Variants in PNKD observed in about 807,000 individuals in gnomAD.
PNKD encodes PNKD metallo-beta-lactamase domain containing.
A neutral mutation model predicts 45.3 loss-of-function variants in PNKD; 36 were observed. The ratio of observed to expected loss-of-function variants is 0.80; its 90% CI spans 0.61 to 1.05. The LOEUF is 1.05. Ranked by LOEUF, PNKD falls within the 50% of genes least tolerant of loss-of-function variation. The pLI is 0.00. For missense variants in PNKD, 511 were observed against 506.6 expected (o/e 1.01, Z -0.08); for synonymous variants, 197 against 210.1 (o/e 0.94, Z 0.54).
Position 218,335,272 on chromosome 2 carries a change from G to A in PNKD, c.237-4511G>A, listed in dbSNP as rs982004038. On this transcript the variant is annotated intron_variant, in intron 2 of 9. Coordinates refer to ENST00000273077, the MANE Select transcript of PNKD (RefSeq NM_015488.5). ...TGAGGCAGGCAGATCACCTGAGGTCGGGAGCTCTAGACCAGCCTGATCAAC... is the reference window on the plus strand; with the variant it reads ...TGAGGCAGGCAGATCACCTGAGGTCAGGAGCTCTAGACCAGCCTGATCAAC... Among the ~76,000 whole-genome samples the A allele has an allele frequency of 3.4e-4, 51 of 152,042 alleles. 1 individual carries two copies. Among genetic ancestry groups the A allele is most frequent in the Non-Finnish European group, 1.0e-4 (7 of 67,982 alleles).
chr2:218,345,051 C>T lies in PNKD; in HGVS notation c.*70C>T. On this transcript the variant is annotated 3_prime_UTR_variant, in exon 10 of 10. Coordinates refer to ENST00000273077, the MANE Select transcript of PNKD (RefSeq NM_015488.5). ...CCGCCACCACCAACACCTCATCATCCTTCTCATCGCTAACACCACCACCTC... is the reference window on the plus strand; with the variant it reads ...CCGCCACCACCAACACCTCATCATCTTTCTCATCGCTAACACCACCACCTC... The T allele has an allele frequency of 1.7e-6, 2 of 1,201,936 alleles. No individual in the cohort carries two copies. The highest frequency in any genetic ancestry group is 1.5e-5 in the African/African-American group (1 of 65,996). The allele number at this position is 1,201,936 out of a possible 1,614,324, so 74.5% of individuals were successfully genotyped here.
At chr2:218,339,560 G>A (rs1694605937) in intron 2 of PNKD, among the ~76,000 whole-genome samples, 1 of 152,096 alleles carries the variant, frequency 6.6e-6, no homozygotes, top group Non-Finnish European at 1.5e-5. Context: ...CTCAGTTCAT[G>A]TCTCCCTGAT....
chr2:218,305,143 G>A (rs1357341000), intron 2 of PNKD, among the ~76,000 whole-genome samples: 2 of 152,118 alleles, frequency 1.3e-5, no homozygotes, highest in Non-Finnish European at 2.9e-5. Context: ...GAAATCCCAC[G>A]TGCAAGGGCT....
intron 2 of PNKD, chr2:218,274,657 T>G (rs1385618018): frequency 6.4e-6 from 1 of 155,534 alleles, no homozygotes; most frequent in Non-Finnish European, 1.5e-5. Context: ...TGCTCTGAGC[T>G]GCCTGAATAC....
intron 2 of PNKD, among the ~76,000 whole-genome samples, chr2:218,284,435 A>G (rs1390476953): frequency 6.6e-6 from 1 of 152,200 alleles, no homozygotes; most frequent in Non-Finnish European, 1.5e-5. Flanking sequence ...TTTCCAGACC[A>G]AGGGACTGTG....
rs1184165832 is a variant in PNKD, at chr2:218,345,956, C to T, written c.*975C>T. 6.6e-6 allele frequency: 1 copy of T among 152,402 alleles called. No homozygotes were observed. The highest frequency in any genetic ancestry group is 1.5e-5 in the Non-Finnish European group (1 of 68,068). The allele number at this position is 152,402 out of a possible 1,614,324, so 9.4% of individuals were successfully genotyped here. On this transcript the variant is annotated 3_prime_UTR_variant, in exon 10 of 10. Transcript: ENST00000273077. Reference sequence around the variant, plus strand: ...GAGTTAGTAAAGATTTATTCTGTAACCTGACACTCATCTGGCCCTTTGCAG... The same window carrying T: ...GAGTTAGTAAAGATTTATTCTGTAATCTGACACTCATCTGGCCCTTTGCAG...
Position 218,341,569 on chromosome 2 carries a change from G to T in PNKD, c.560G>T (p.Arg187Leu), listed in dbSNP as rs141506076. 3.1e-6 allele frequency: 5 copies of T among 1,602,726 alleles called. No homozygotes were observed. The Admixed American group carries it at 5.1e-5, about 16-fold the overall frequency. The part of the protein sequence containing the change: ...HSGGNRDLSR[R>L]HRDCRVYGSP... Reference sequence around the variant, plus strand: ...GGAGGGAACCGTGACCTCAGCCGGCGGCACCGGGACTGTCGGGTGTACGGG... The same window carrying T: ...GGAGGGAACCGTGACCTCAGCCGGCTGCACCGGGACTGTCGGGTGTACGGG... The change falls in exon 6 of 10, where the codon CGG (arginine) becomes CTG (leucine). Residue 187 changes from arginine (R) to leucine (L), a missense_variant. Arg to Leu is a moderately radical substitution (Grantham distance 102). Transcript: ENST00000273077.
intron 9 of PNKD, 118 bp from the exon 10 acceptor site, chr2:218,344,690 T>C (rs1307449420): frequency 2.2e-6 from 3 of 1,392,632 alleles, no homozygotes; most frequent in Non-Finnish European, 2.0e-6. Context: ...CTTTGGCCCA[T>C]GGGCCCTCAA....
intron 2 of PNKD, among the ~76,000 whole-genome samples, chr2:218,308,853 G>A (rs1693500866): frequency 6.6e-6 from 1 of 151,868 alleles, no homozygotes; most frequent in Admixed American, 6.6e-5. Context: ...CCAAAGTGCT[G>A]GGATTACAGG....
intron 2 of PNKD, chr2:218,274,801 G>A (rs964534483): frequency 1.9e-5 from 3 of 154,350 alleles, no homozygotes; most frequent in Non-Finnish European, 4.4e-5. Flanking sequence ...AGCAAGCCCA[G>A]GGGAGATGCT....
rs748571288 is a variant in PNKD, at chr2:218,340,819, T to G, written c.524+33T>G. On this transcript the variant is annotated intron_variant, in intron 5 of 9. Transcript: ENST00000273077. The surrounding 1 kb of genome is among the most constrained non-coding windows in gnomAD (Gnocchi z 4.2). ...GCTCCCGTCTTCCCTGGCCCACCCT[T>G]GTCCCAGCTGGGCTTGCCAGGACTG... 1 of 1,587,150 alleles carries G rather than the reference T, an allele frequency of 6.3e-7. No individual in the cohort carries two copies.
intron 2 of PNKD, chr2:218,281,130 T>TTTTTTGG (rs1553658813): frequency 2.6e-5 from 3 of 117,346 alleles, no homozygotes; most frequent in African/African-American, 9.0e-5. Flanking sequence ...TTGTTTTTTG[T>TTTTTTGG]TTTTTTTTTG....
intron 2 of PNKD, among the ~76,000 whole-genome samples, chr2:218,323,856 G>A (rs1694066573): frequency 6.6e-6 from 1 of 152,234 alleles, no homozygotes; most frequent in Admixed American, 6.5e-5. Flanking sequence ...GCCTCCCACC[G>A]TCTGACATTT....
At chr2:218,291,780 G>A (rs1376111919) in intron 2 of PNKD, among the ~76,000 whole-genome samples, 1 of 151,982 alleles carries the variant, frequency 6.6e-6, no homozygotes, top group African/African-American at 2.4e-5. Flanking sequence ...AAGAAGTCAC[G>A]AGGAGGATGT....
chr2:218,291,268 A>C (rs1415926846), intron 2 of PNKD, among the ~76,000 whole-genome samples: 1 of 152,162 alleles, frequency 6.6e-6, no homozygotes, highest in Non-Finnish European at 1.5e-5. Context: ...TCTTCCATTT[A>C]AGCTATAAAC....
intron 2 of PNKD, among the ~76,000 whole-genome samples, chr2:218,306,275 G>C (rs1250400343): frequency 6.6e-6 from 1 of 152,158 alleles, no homozygotes. Context: ...GATGGCTAGG[G>C]GCTGCAGGTG....
chr2:218,284,022 G>A (rs1692280137), intron 2 of PNKD: 2 of 152,182 alleles, frequency 1.3e-5, no homozygotes, highest in African/African-American at 4.8e-5. Context: ...AAATTAGCCA[G>A]GCATGGTGGC....
rs1315301242 is a variant in PNKD, at chr2:218,340,624, A to G, written c.466-104A>G. On this transcript the variant is annotated intron_variant, in intron 4 of 9. Coordinates refer to ENST00000273077, the MANE Select transcript of PNKD (RefSeq NM_015488.5). The surrounding 1 kb of genome is among the most constrained non-coding windows in gnomAD (Gnocchi z 4.2). ...TCCCTTTCCTCTGCTTCATCTCTCC[A>G]TGCTCTCCTCTCCTCTCCACCAGCG... 1.2e-6 allele frequency: 1 copy of G among 838,872 alleles called. No individual in the cohort carries two copies. Among genetic ancestry groups the G allele is most frequent in the Non-Finnish European group, 2.1e-6 (1 of 479,056 alleles). 52.0% of individuals were successfully genotyped at this position (838,872 alleles called of 1,614,324 possible). A position where few individuals can be genotyped will look rare whatever the true frequency, so the allele number is the denominator to read the frequency against.
At chr2:218,273,666 CT>C (rs1690955325) in intron 2 of PNKD, among the ~76,000 whole-genome samples, 2 of 143,734 alleles carry the variant, frequency 1.4e-5, no homozygotes, top group Non-Finnish European at 3.0e-5. Flanking sequence ...TTTTTTTGTA[CT>C]TTTAGTAGAG....
Sources: gnomAD v4.1 joint callset for allele counts (sites outside exome capture counted in the v4.1 genomes callset) on GRCh38, gnomAD v4.1.1 for gene constraint, Gnocchi (gnomAD v3.1) non-coding constraint, MANE v1.5 for transcripts, NCBI Gene and HGNC (gene_info 2026-07-23, HGNC 2026-07-21) for gene names.